Variants in PTK2B observed in about 807,000 individuals in gnomAD.
The protein encoded by PTK2B is protein tyrosine kinase 2 beta.
A neutral mutation model predicts 142.9 loss-of-function variants in PTK2B; 71 were observed. The ratio of observed to expected loss-of-function variants is 0.50; its 90% CI spans 0.41 to 0.61. The LOEUF (loss-of-function observed/expected upper bound fraction) is 0.61, where lower values mean the gene tolerates loss of function less well. PTK2B is among the 20% of genes least tolerant of loss of function. The pLI is 0.00. For missense variants in PTK2B, 1,105 were observed against 1,320.4 expected (o/e 0.84, Z 2.53); for synonymous variants, 519 against 503.4 (o/e 1.03, Z -0.42).
At chr8:27,432,773 C>T (rs931399071) in intron 10 of PTK2B, among the ~76,000 whole-genome samples, 1 of 152,138 alleles carries the variant, frequency 6.6e-6, no homozygotes, top group African/African-American at 2.4e-5. Flanking sequence ...GGCTGCATCT[C>T]TCTCTCCTTT....
At chr8:27,451,121 G>C in intron 26 of PTK2B, 43 bp downstream of exon 26, 2 of 1,592,046 alleles carry the variant, frequency 1.3e-6, no homozygotes, top group Non-Finnish European at 1.7e-6. Context: ...CCAAGGCCTG[G>C]GAAGGCCTCG....
At chr8:27,427,649 A>C (rs527531506) in intron 5 of PTK2B, among the ~76,000 whole-genome samples, 45 of 152,330 alleles carry the variant, frequency 3.0e-4, no homozygotes, top group Admixed American at 7.2e-4. Flanking sequence ...AGCTGCCTAT[A>C]ATCACCCAGA....
At chr8:27,422,004 CA>C (rs1039042265) in intron 4 of PTK2B, among the ~76,000 whole-genome samples, 1 of 152,196 alleles carries the variant, frequency 6.6e-6, no homozygotes, top group Admixed American at 6.5e-5. Flanking sequence ...TGACTTCTTG[CA>C]AAATCTCAGT....
intron 1 of PTK2B, among the ~76,000 whole-genome samples, chr8:27,372,583 C>T (rs1467449314): frequency 6.6e-6 from 1 of 152,204 alleles, no homozygotes; most frequent in African/African-American, 2.4e-5. Flanking sequence ...TGCAAAAGCA[C>T]CCTGACAGAC....
upstream of PTK2B, chr8:27,311,200 G>C: frequency 6.3e-7 from 1 of 1,595,346 alleles, no homozygotes; most frequent in Non-Finnish European, 8.5e-7. Context: ...TGAAGGAGCG[G>C]GAAGGCCCGG....
At chr8:27,322,030 C>T (rs1010846932), upstream of PTK2B, among the ~76,000 whole-genome samples, 5 of 151,782 alleles carry the variant, frequency 3.3e-5, no homozygotes, top group African/African-American at 1.2e-4. Context: ...CACTCTGTCA[C>T]CCAGGCTGGA....
intron 1 of PTK2B, among the ~76,000 whole-genome samples, chr8:27,394,289 G>A (rs1013409538): frequency 1.3e-5 from 2 of 151,874 alleles, no homozygotes; most frequent in Non-Finnish European, 2.9e-5. Flanking sequence ...CATTTCTCTG[G>A]TTTACTTACA....
At chr8:27,411,022 TC>T (rs777260884) in intron 2 of PTK2B, among the ~76,000 whole-genome samples, 4 of 152,210 alleles carry the variant, frequency 2.6e-5, no homozygotes, top group African/African-American at 4.8e-5. Context: ...GCAAAGGTCT[TC>T]CTGTAGCAAA....
chr8:27,377,063 G>T (rs1391113920), intron 1 of PTK2B, among the ~76,000 whole-genome samples: 1 of 152,172 alleles, frequency 6.6e-6, no homozygotes, highest in Non-Finnish European at 1.5e-5. Context: ...AGTGAGGAGG[G>T]TGCAACTTGT....
chr8:27,457,841 T>G (rs4496924), intron 30 of PTK2B, among the ~76,000 whole-genome samples: 129,450 of 152,044 alleles, frequency 0.85, 55,468 homozygotes, highest in Middle Eastern at 0.94. Context: ...CAGGCGTAAT[T>G]GCAGGTGCCT....
intron 1 of PTK2B, among the ~76,000 whole-genome samples, chr8:27,351,964 C>T (rs889834078): frequency 2.0e-5 from 3 of 152,214 alleles, no homozygotes; most frequent in African/African-American, 4.8e-5. Flanking sequence ...CTCCTGTCTA[C>T]AGCTTTTGTT....
At position 27,450,850 on chromosome 8, in the gene PTK2B, G is replaced by A; in HGVS notation, c.2442G>A (p.Gln814=). The A allele has an allele frequency of 6.2e-7, 1 of 1,614,240 alleles. No individual in the cohort carries two copies. Among genetic ancestry groups the A allele is most frequent in the African/African-American group, 1.3e-5 (1 of 75,066 alleles). Reference sequence around the variant, plus strand: ...AAATCCTGGACAAACAGCAGAAGCAGATGGTGGAGGACTACCAGTGGCTCA... The same window carrying A: ...AAATCCTGGACAAACAGCAGAAGCAAATGGTGGAGGACTACCAGTGGCTCA... ...MRQILDKQQK[Q]MVEDYQWLRQ... The change falls in exon 25 of 31, where the codon CAG becomes CAA. Residue 814 remains glutamine (Q), a synonymous_variant. Transcript: ENST00000346049.
At chr8:27,446,560 T>C (rs1426656364) in intron 24 of PTK2B, among the ~76,000 whole-genome samples, 1 of 152,140 alleles carries the variant, frequency 6.6e-6, no homozygotes, top group Non-Finnish European at 1.5e-5. Flanking sequence ...AAAGACACTT[T>C]TGCTTATAAC....
intron 1 of PTK2B, among the ~76,000 whole-genome samples, chr8:27,382,392 C>G (rs867445421): frequency 3.0e-4 from 46 of 152,086 alleles, no homozygotes; most frequent in African/African-American, 1.1e-3. Context: ...ATATTTTCTC[C>G]CATTCTACAG....
chr8:27,443,609 T>G (rs1369582001), intron 22 of PTK2B, among the ~76,000 whole-genome samples: 2 of 152,196 alleles, frequency 1.3e-5, no homozygotes, highest in African/African-American at 4.8e-5. Context: ...TTTCTTTCTC[T>G]TCTTATAAGG....
At chr8:27,451,140 A>T in intron 26 of PTK2B, 62 bp downstream of exon 26, 1 of 1,559,934 alleles carries the variant, frequency 6.4e-7, no homozygotes, top group Non-Finnish European at 8.8e-7. Context: ...CGCCCACCAT[A>T]GGACCCCCCG....
At chr8:27,416,833 A>G (rs1809430002) in intron 2 of PTK2B, among the ~76,000 whole-genome samples, 1 of 152,234 alleles carries the variant, frequency 6.6e-6, no homozygotes, top group Non-Finnish European at 1.5e-5. Flanking sequence ...AGGTATATGA[A>G]TGGCCTATAA....
Position 27,459,311 on chromosome 8 carries a change from T to G in PTK2B, c.*802T>G. The G allele has an allele frequency of 4.3e-6, 1 of 233,414 alleles. No individual in the cohort carries two copies. The highest frequency in any genetic ancestry group is 8.5e-6 in the Non-Finnish European group (1 of 118,116). 14.5% of individuals were successfully genotyped at this position (233,414 alleles called of 1,614,324 possible). On this transcript the variant is annotated 3_prime_UTR_variant, in exon 31 of 31. Coordinates refer to ENST00000346049, the MANE Select transcript of PTK2B (RefSeq NM_173176.3). ...CCCATTCTCATCTGCACCCTTCTTTTCTCATGTGTTTGCATAAACATTCTT... is the reference window on the plus strand; with the variant it reads ...CCCATTCTCATCTGCACCCTTCTTTGCTCATGTGTTTGCATAAACATTCTT...
intron 1 of PTK2B, among the ~76,000 whole-genome samples, chr8:27,352,471 G>A (rs1467603585): frequency 6.6e-6 from 1 of 152,210 alleles, no homozygotes; most frequent in Non-Finnish European, 1.5e-5. Flanking sequence ...TTCAGGGGTG[G>A]AGGGGGGGCG....
Sources: allele counts gnomAD v4.1 joint callset (sites outside exome capture counted in the v4.1 genomes callset), GRCh38; gene constraint gnomAD v4.1.1; transcripts MANE v1.5; gene names NCBI Gene and HGNC (gene_info 2026-07-23, HGNC 2026-07-21).